The following LPAR6 variants were observed in gnomAD, a reference collection of about 807,000 sequenced individuals.
LPAR6 encodes lysophosphatidic acid receptor 6, also known as G-protein coupled purinergic receptor P2Y5.
Under a neutral mutation model 22.0 loss-of-function variants are expected in LPAR6, and 17 were observed. The ratio of observed to expected loss-of-function variants is 0.77; its 90% CI spans 0.53 to 1.16. The LOEUF (loss-of-function observed/expected upper bound fraction) is 1.16. LPAR6 is among the 50% of genes most tolerant of loss of function. The pLI is 0.00. For synonymous variants in LPAR6, 136 were observed against 139.8 expected, an observed-to-expected ratio of 0.97 and a Z score of 0.19; for missense variants, 384 against 406.9, an observed-to-expected ratio of 0.94 and a Z score of 0.48.
chr13:48,418,893 C>A (rs1948960575), intron 2 of LPAR6, among the ~76,000 whole-genome samples: 1 of 152,074 alleles, frequency 6.6e-6, no homozygotes, highest in East Asian at 1.9e-4. Flanking sequence ...TAAAGCAAGT[C>A]CTTGGAGACC....
Position 48,412,347 on chromosome 13 carries a change from A to G in LPAR6, c.77T>C (p.Met26Thr). The G allele has an allele frequency of 6.2e-7, 1 of 1,613,590 alleles. No homozygotes were observed. Among genetic ancestry groups the G allele is most frequent in the Non-Finnish European group, 8.5e-7 (1 of 1,179,494 alleles). Residue 26 changes from methionine to threonine, a missense_variant, in exon 1 of 1, where the codon ATG (methionine) becomes ACG (threonine). Coordinates refer to ENST00000620633, the MANE Select transcript of LPAR6 (RefSeq NM_001162498.3). ...GGATATTAACCCAAGCACAAACACC[A>G]TGCTGAACATGCACCCATACAAAGT... ...KYTLYGCMFS[M>T]VFVLGLISNC...
chr13:48,417,479 C>T (rs148998479), upstream of LPAR6, among the ~76,000 whole-genome samples: 8,874 of 152,178 alleles, frequency 0.058, 858 homozygotes, highest in African/African-American at 0.2. Context: ...GAAAAACCAG[C>T]GCAAAAAGGC....
At chr13:48,436,786 TATTC>T (rs1276573591) in intron 1 of LPAR6, among the ~76,000 whole-genome samples, 2 of 152,244 alleles carry the variant, frequency 1.3e-5, no homozygotes, top group African/African-American at 4.8e-5. Flanking sequence ...TTCTATTTTC[TATTC>T]TAGTTTCCTC....
intron 1 of LPAR6, among the ~76,000 whole-genome samples, chr13:48,393,050 A>G (rs1461039313): frequency 6.6e-6 from 1 of 152,100 alleles, no homozygotes; most frequent in African/African-American, 2.4e-5. Context: ...TGAGTACTCT[A>G]CTGAATATCC....
intron 1 of LPAR6, among the ~76,000 whole-genome samples, chr13:48,441,741 A>G (rs942806699): frequency 6.6e-6 from 1 of 152,204 alleles, no homozygotes; most frequent in East Asian, 1.9e-4. Context: ...ACAATTTGCT[A>G]TCATAGAATT....
chr13:48,433,333 C>A (rs1276081539), intron 1 of LPAR6, among the ~76,000 whole-genome samples: 2 of 151,678 alleles, frequency 1.3e-5, no homozygotes, highest in South Asian at 4.2e-4. Flanking sequence ...TTTAAATATA[C>A]CACTAACTCT....
At position 48,412,051 on chromosome 13, in the gene LPAR6, T is replaced by C; in HGVS notation, c.373A>G (p.Lys125Glu). Reference sequence around the variant, plus strand: ...GCATTTCTTTTGGTTCTTAGAGTCTTTGACTTAAATGGGTAGACAATTGCC... The same window carrying C: ...GCATTTCTTTTGGTTCTTAGAGTCTCTGACTTAAATGGGTAGACAATTGCC... ...FLAIVYPFKS[K>E]TLRTKRNAKI... Residue 125 changes from lysine (K) to glutamate (E), a missense_variant, in exon 1 of 1, where the codon AAG becomes GAG. Lys to Glu is a moderately conservative substitution (Grantham distance 56). Transcript: ENST00000620633. The C allele has an allele frequency of 6.2e-7, 1 of 1,613,304 alleles. No individual in the cohort carries two copies. Among genetic ancestry groups the C allele is most frequent in the African/African-American group, 1.3e-5 (1 of 74,982 alleles).
intron 1 of LPAR6, among the ~76,000 whole-genome samples, chr13:48,433,191 T>A (rs971548911): frequency 6.6e-6 from 1 of 152,154 alleles, no homozygotes; most frequent in Non-Finnish European, 1.5e-5. Context: ...CGTGACTTAT[T>A]AGAAATAGAT....
At position 48,411,784 on chromosome 13, in the gene LPAR6, G is replaced by A; in HGVS notation, c.640C>T (p.Pro214Ser). The change falls in exon 1 of 1, where the codon CCT (proline) becomes TCT (serine). Residue 214 changes from proline to serine, a missense_variant. Coordinates refer to ENST00000620633, the MANE Select transcript of LPAR6 (RefSeq NM_001162498.3). ...ATTTTGCTTCTACTTAATGTAACAG[G>A]TTTGGTTAAAGTTTTTAGCACCATA... is the stretch of plus-strand genomic sequence containing the variant. ...SSMVLKTLTK[P>S]VTLSRSKINK... The A allele has an allele frequency of 6.2e-7, 1 of 1,611,772 alleles. No homozygotes were observed. Among genetic ancestry groups the A allele is most frequent in the Non-Finnish European group, 8.5e-7 (1 of 1,178,086 alleles).
Position 48,412,346 on chromosome 13 carries a change from C to G in LPAR6, c.78G>C (p.Met26Ile). ...KYTLYGCMFSMVFVLGLISNC... is the reference protein window; with the variant it reads ...KYTLYGCMFSIVFVLGLISNC... The stretch of plus-strand genomic sequence containing the variant: ...TGGATATTAACCCAAGCACAAACAC[C>G]ATGCTGAACATGCACCCATACAAAG... The change falls in exon 1 of 1, where the codon ATG (methionine) becomes ATC (isoleucine). Residue 26 changes from methionine (M) to isoleucine (I), a missense_variant. Physicochemically the swap from Met to Ile is conservative, Grantham distance 10 (BLOSUM62 1). Coordinates refer to ENST00000620633, the MANE Select transcript of LPAR6 (RefSeq NM_001162498.3). 6.2e-7 allele frequency: 1 copy of G among 1,613,544 alleles called. No homozygotes were observed. The highest frequency in any genetic ancestry group is 8.5e-7 in the Non-Finnish European group (1 of 1,179,530).
Position 48,411,381 on chromosome 13 carries a change from GT to G in LPAR6, c.*7del. ...AGTTCTGTCCCAGTGAGTCCTAATG[GT>G]TTTATTTCAGGCAGCAGATTCATTG... On this transcript the variant is annotated 3_prime_UTR_variant, in exon 1 of 1. Coordinates refer to ENST00000620633, the MANE Select transcript of LPAR6 (RefSeq NM_001162498.3). 6.2e-7 allele frequency: 1 copy of G among 1,605,780 alleles called. No individual in the cohort carries two copies. Among genetic ancestry groups the G allele is most frequent in the Non-Finnish European group, 8.5e-7 (1 of 1,174,894 alleles).
intron 1 of LPAR6, among the ~76,000 whole-genome samples, chr13:48,393,382 C>T (rs1057183959): frequency 6.6e-6 from 1 of 152,208 alleles, no homozygotes; most frequent in Non-Finnish European, 1.5e-5. Context: ...CATCTCTGGA[C>T]TGTGGACCAT....
intron 1 of LPAR6, among the ~76,000 whole-genome samples, chr13:48,432,748 G>A (rs1331612833): frequency 6.6e-6 from 1 of 151,460 alleles, no homozygotes; most frequent in Admixed American, 6.6e-5. Context: ...TAAGCGTACA[G>A]GAATATAAAA....
At chr13:48,428,496 G>A (rs569874923), upstream of LPAR6, among the ~76,000 whole-genome samples, 69 of 152,080 alleles carry the variant, frequency 4.5e-4, no homozygotes, top group Non-Finnish European at 6.8e-4. Flanking sequence ...ACGAGATTTG[G>A]AAGGGACAAA....
intron 2 of LPAR6, among the ~76,000 whole-genome samples, chr13:48,419,711 CA>C (rs1213185845): frequency 6.6e-6 from 1 of 152,134 alleles, no homozygotes; most frequent in African/African-American, 2.4e-5. Flanking sequence ...GGGATATCAC[CA>C]CTGATCCCAC....
Position 48,412,383 on chromosome 13 carries a change from G to C in LPAR6, c.41C>G (p.Ser14Cys). The C allele has an allele frequency of 1.2e-6, 2 of 1,613,996 alleles. No homozygotes were observed. Among genetic ancestry groups the C allele is most frequent in the Non-Finnish European group, 1.7e-6 (2 of 1,179,932 alleles). The change falls in exon 1 of 1, where the codon TCC becomes TGC. Residue 14 changes from serine to cysteine, a missense_variant. Ser to Cys is a moderately radical substitution (Grantham distance 112). Transcript: ENST00000620633. ...VNSSHCFYND[S>C]FKYTLYGCMF... ...GCACCCATACAAAGTGTACTTAAAG[G>C]AGTCATTATAGAAGCAGTGGGAGCT...
intron 2 of LPAR6, among the ~76,000 whole-genome samples, chr13:48,419,982 C>G (rs1948980440): frequency 1.3e-5 from 2 of 152,150 alleles, no homozygotes; most frequent in African/African-American, 4.8e-5. Flanking sequence ...GGTACTATTC[C>G]TTCTGAAACT....
chr13:48,393,870 G>C (rs1398893790), intron 1 of LPAR6, among the ~76,000 whole-genome samples: 1 of 152,046 alleles, frequency 6.6e-6, no homozygotes, highest in Non-Finnish European at 1.5e-5. Flanking sequence ...CTTTTTCTGT[G>C]GTCACCAAAT....
At chr13:48,430,972 A>G (rs1949124131), upstream of LPAR6, among the ~76,000 whole-genome samples, 1 of 152,316 alleles carries the variant, frequency 6.6e-6, no homozygotes, top group African/African-American at 2.4e-5. Flanking sequence ...TCTAAGTATT[A>G]TATAAAATCT....
Sources: allele counts gnomAD v4.1 joint callset (sites outside exome capture counted in the v4.1 genomes callset), GRCh38; gene constraint gnomAD v4.1.1; transcripts MANE v1.5; gene names NCBI Gene and HGNC (gene_info 2026-07-23, HGNC 2026-07-21).